The following TLN2 variants were observed in gnomAD, a reference collection of about 807,000 sequenced individuals.
TLN2 encodes the protein talin-2.
A neutral mutation model predicts 294.7 loss-of-function variants in TLN2; 118 were observed. The observed-to-expected ratio is 0.40, with a 90% CI of 0.34 to 0.47. The LOEUF (loss-of-function observed/expected upper bound fraction) is 0.47. Ranked by LOEUF, TLN2 falls within the 20% of genes least tolerant of loss-of-function variation. The pLI is 0.84. For synonymous variants in TLN2, 1,431 were observed against 1,304.5 expected (o/e 1.10, Z -2.09); for missense variants, 3,083 against 3,282.2 (o/e 0.94, Z 1.48).
At chr15:62,673,322 T>TTTTTTTTTTTTTTC (rs1555465070) in intron 9 of TLN2, among the ~76,000 whole-genome samples, 1 of 140,126 alleles carries the variant, frequency 7.1e-6, no homozygotes, top group African/African-American at 2.7e-5. Context: ...TTTTTTTTTT[T>TTTTTTTTTTTTTTC]TTTTTTGCAA....
Position 62,840,758 on chromosome 15 carries a change from G to C in TLN2, c.*148G>C. On this transcript the variant is annotated 3_prime_UTR_variant, in exon 59 of 59. Transcript: ENST00000636159. ...CCTGCGTGCTTGTTCTCACATCTCT[G>C]TCCCGTCGGCACTGGCTGCATGATC... The C allele has an allele frequency of 8.8e-7, 1 of 1,140,934 alleles. No individual in the cohort carries two copies. Among genetic ancestry groups the C allele is most frequent in the Non-Finnish European group, 1.2e-6 (1 of 827,814 alleles). The allele number at this position is 1,140,934 out of a possible 1,614,324, so 70.7% of individuals were successfully genotyped here.
chr15:62,647,570 C>T, intron 4 of TLN2, 124 bp downstream of exon 4: 2 of 1,336,184 alleles, frequency 1.5e-6, no homozygotes, highest in Non-Finnish European at 2.1e-6. Context: ...AAATGAAATA[C>T]CTTCTTAGAT....
chr15:62,625,638 C>T (rs1365517159), intron 3 of TLN2, among the ~76,000 whole-genome samples: 1 of 152,142 alleles, frequency 6.6e-6, no homozygotes. Context: ...GACGGGAACT[C>T]CCGCAGCATA....
chr15:62,420,690 A>G (rs967588323), intron 1 of TLN2, among the ~76,000 whole-genome samples: 1 of 152,262 alleles, frequency 6.6e-6, no homozygotes, highest in Admixed American at 6.5e-5. Flanking sequence ...ACAAAAGCCC[A>G]TCAAGAGTTT....
chr15:62,793,331 C>G (rs1186427014), intron 46 of TLN2, among the ~76,000 whole-genome samples: 2 of 152,188 alleles, frequency 1.3e-5, no homozygotes, highest in Non-Finnish European at 2.9e-5. Context: ...TTTTCTGATT[C>G]TAAAGACAGT....
chr15:62,665,776 C>A (rs1239438897), intron 9 of TLN2, among the ~76,000 whole-genome samples: 1 of 152,208 alleles, frequency 6.6e-6, no homozygotes, highest in Non-Finnish European at 1.5e-5. Flanking sequence ...TTTCACTTGG[C>A]CTCTGTTCAA....
At chr15:62,625,085 A>T (rs1893926227) in intron 3 of TLN2, among the ~76,000 whole-genome samples, 3 of 152,162 alleles carry the variant, frequency 2.0e-5, no homozygotes, top group African/African-American at 7.2e-5. Context: ...CTGGAAGTCA[A>T]GGCTGATGTG....
chr15:62,614,657 TA>T, intron 2 of TLN2, among the ~76,000 whole-genome samples: 1 of 152,354 alleles, frequency 6.6e-6, no homozygotes, highest in African/African-American at 2.4e-5. Flanking sequence ...TTGTAATTTT[TA>T]TTGAGAAAAG....
intron 46 of TLN2, among the ~76,000 whole-genome samples, chr15:62,793,571 C>CT (rs1316670667): frequency 1.3e-5 from 2 of 152,176 alleles, no homozygotes; most frequent in African/African-American, 4.8e-5. Context: ...TTTTCTCTAA[C>CT]TTTCCTCCAA....
chr15:62,626,437 G>A (rs764306807), intron 3 of TLN2, among the ~76,000 whole-genome samples: 2 of 152,098 alleles, frequency 1.3e-5, no homozygotes, highest in Non-Finnish European at 2.9e-5. Flanking sequence ...AGATTCAGGT[G>A]GGCCAAAGCA....
chr15:62,698,057 C>G (rs1468498871), intron 15 of TLN2, among the ~76,000 whole-genome samples, 189 bp downstream of exon 15: 1 of 152,168 alleles, frequency 6.6e-6, no homozygotes, highest in Non-Finnish European at 1.5e-5. Flanking sequence ...CGGAGGTGTC[C>G]TCTGTGACTG....
At chr15:62,393,531 C>T (rs750232994) in intron 1 of TLN2, among the ~76,000 whole-genome samples, 9 of 152,156 alleles carry the variant, frequency 5.9e-5, no homozygotes, top group Non-Finnish European at 1.3e-4. Context: ...CTTCACCCCT[C>T]ACTCCCAGAA....
Position 62,717,737 on chromosome 15 carries a change from A to G in TLN2, c.2877+48A>G, listed in dbSNP as rs1207032253. On this transcript the variant is annotated intron_variant, in intron 24 of 58. Coordinates refer to ENST00000636159, the MANE Select transcript of TLN2 (RefSeq NM_015059.3). ...GCCAGGTCAGCTGCAGATGACCCTG[A>G]TAACATTAGAACACCAAGTCCCCTG... The G allele has an allele frequency of 3.7e-6, 5 of 1,364,854 alleles. No homozygotes were observed. The African/African-American group carries it at 7.3e-5, about 20-fold the overall frequency. 84.5% of individuals were successfully genotyped at this position (1,364,854 alleles called of 1,614,324 possible).
chr15:62,775,744 T>C (rs1368209905), intron 42 of TLN2, among the ~76,000 whole-genome samples: 1 of 152,236 alleles, frequency 6.6e-6, no homozygotes, highest in Non-Finnish European at 1.5e-5. Flanking sequence ...TGAAAGGGTC[T>C]ACTTCCCCAA....
chr15:62,793,379 C>A (rs2065215116), intron 46 of TLN2, among the ~76,000 whole-genome samples: 1 of 152,110 alleles, frequency 6.6e-6, no homozygotes, highest in Admixed American at 6.6e-5. Context: ...GTGAAGAAGG[C>A]TCTAAGATCT....
In TLN2 at chr15:62,652,102, G is replaced by A. The variant is rs1036086132; in HGVS notation, c.332G>A (p.Gly111Glu). ...TVMVDDSKTV[G>E]ELLVTICSRI... ...ATGGTGGATGATTCCAAGACTGTGG[G>A]GGAGCTCCTGGTCACTATTTGTAGC... The change falls in exon 6 of 59, where the codon GGG becomes GAG. Residue 111 changes from glycine (G) to glutamate (E), a missense_variant. By Grantham distance (98) the Gly-to-Glu change is moderately conservative. Coordinates refer to ENST00000636159, the MANE Select transcript of TLN2 (RefSeq NM_015059.3). 6.2e-7 allele frequency: 1 copy of A among 1,606,730 alleles called. No individual in the cohort carries two copies. The highest frequency in any genetic ancestry group is 1.3e-5 in the African/African-American group (1 of 74,698).
Position 62,461,478 on chromosome 15 carries a change from C to T in TLN2, c.-238+70793C>T, listed in dbSNP as rs567303725. Among the ~76,000 whole-genome samples, 7 of 152,268 alleles carry T rather than the reference C, an allele frequency of 4.6e-5. No homozygotes were observed. In the South Asian group the frequency reaches 6.2e-4, roughly 14 times the overall value. On this transcript the variant is annotated intron_variant, in intron 1 of 58. Coordinates refer to ENST00000636159, the MANE Select transcript of TLN2 (RefSeq NM_015059.3). ...TCTGGCTGTGATGTATAGAGCAATA[C>T]GAATAATGTTATTTATGTCTTCAAC...
intron 3 of TLN2, among the ~76,000 whole-genome samples, chr15:62,623,026 A>G (rs2048969808): frequency 6.6e-6 from 1 of 152,214 alleles, no homozygotes; most frequent in African/African-American, 2.4e-5. Context: ...AGGGCTAATC[A>G]GGGTGATCAA....
At chr15:62,513,082 G>A (rs2040012691) in intron 1 of TLN2, among the ~76,000 whole-genome samples, 1 of 152,116 alleles carries the variant, frequency 6.6e-6, no homozygotes, top group Non-Finnish European at 1.5e-5. Flanking sequence ...AGTGGCAGCT[G>A]CTACATAGGC....
Sources: gnomAD v4.1 joint callset for allele counts (sites outside exome capture counted in the v4.1 genomes callset) on GRCh38, gnomAD v4.1.1 for gene constraint, MANE v1.5 for transcripts, NCBI Gene and HGNC (gene_info 2026-07-23, HGNC 2026-07-21) for gene names.